The following ATXN7L1 variants were observed in gnomAD, a reference collection of about 807,000 sequenced individuals.
ATXN7L1 encodes ataxin 7 like 1.
A neutral mutation model predicts 70.8 loss-of-function variants in ATXN7L1; 15 were observed. The observed-to-expected ratio is 0.21, with a 90% CI of 0.14 to 0.33. The LOEUF (loss-of-function observed/expected upper bound fraction) is 0.33. Among genes scored for constraint, ATXN7L1 ranks in the 10% least tolerant of loss-of-function variants. The pLI is 1.00. For missense variants in ATXN7L1, 975 were observed against 1,097.1 expected, an observed-to-expected ratio of 0.89 and a Z score of 1.57; for synonymous variants, 440 against 445.1, an observed-to-expected ratio of 0.99 and a Z score of 0.14.
intron 3 of ATXN7L1, among the ~76,000 whole-genome samples, chr7:105,727,723 TA>T (rs201970123): frequency 0.041 from 4,909 of 120,392 alleles, 155 homozygotes; most frequent in Non-Finnish European, 0.055. Context: ...TATTTTTCCA[TA>T]GGGGTGTGTG....
At chr7:105,785,252 G>T (rs1223438197) in intron 3 of ATXN7L1, among the ~76,000 whole-genome samples, 1 of 152,222 alleles carries the variant, frequency 6.6e-6, no homozygotes, top group African/African-American at 2.4e-5. Context: ...GATCACCTGA[G>T]GTCAGGAGTT....
intron 9 of ATXN7L1, among the ~76,000 whole-genome samples, chr7:105,615,188 A>G (rs532911129): frequency 6.6e-6 from 1 of 151,406 alleles, no homozygotes; most frequent in Non-Finnish European, 1.5e-5. Flanking sequence ...TTTGGCAGCA[A>G]TGAAGGTGGT....
At chr7:105,664,861 T>C (rs1478414115) in intron 4 of ATXN7L1, among the ~76,000 whole-genome samples, 2 of 151,982 alleles carry the variant, frequency 1.3e-5, no homozygotes, top group East Asian at 1.9e-4. Context: ...GCGTGGCCCA[T>C]ATGGTACTCT....
At chr7:105,857,117 C>T (rs986608587) in intron 2 of ATXN7L1, among the ~76,000 whole-genome samples, 1 of 152,122 alleles carries the variant, frequency 6.6e-6, no homozygotes, top group Non-Finnish European at 1.5e-5. Context: ...TGTACAATGC[C>T]CTGAATGTCC....
intron 7 of ATXN7L1, among the ~76,000 whole-genome samples, chr7:105,629,307 T>C (rs893918921): frequency 9.2e-5 from 14 of 152,034 alleles, no homozygotes; most frequent in African/African-American, 3.4e-4. Context: ...GGCACTCTAC[T>C]CTCTCTGTGA....
At chr7:105,619,927 C>A (rs1427071372) in intron 9 of ATXN7L1, among the ~76,000 whole-genome samples, 1 of 152,022 alleles carries the variant, frequency 6.6e-6, no homozygotes, top group Non-Finnish European at 1.5e-5. Flanking sequence ...GGTAAACAGA[C>A]AATATATTAT....
At chr7:105,747,446 C>T (rs879746167) in intron 3 of ATXN7L1, among the ~76,000 whole-genome samples, 4 of 152,310 alleles carry the variant, frequency 2.6e-5, no homozygotes, top group South Asian at 2.1e-4. Context: ...TTCTTGTACT[C>T]GGGACCCTCC....
chr7:105,822,015 C>T (rs1230674957), intron 2 of ATXN7L1, among the ~76,000 whole-genome samples: 1 of 152,244 alleles, frequency 6.6e-6, no homozygotes, highest in South Asian at 2.1e-4. Flanking sequence ...GACTTGCCAC[C>T]AGGCAGCTCA....
intron 3 of ATXN7L1, among the ~76,000 whole-genome samples, chr7:105,695,762 G>C (rs1383280836): frequency 1.3e-5 from 2 of 152,178 alleles, no homozygotes; most frequent in African/African-American, 4.8e-5. Context: ...ACCAAATGTA[G>C]GTTTCCACTG....
intron 11 of ATXN7L1, 102 bp from the exon 12 acceptor site, chr7:105,607,992 G>T: frequency 9.3e-7 from 1 of 1,076,584 alleles, no homozygotes; most frequent in Non-Finnish European, 1.4e-6. Flanking sequence ...ATAATAGAAA[G>T]GACAATATCC....
At position 105,794,518 on chromosome 7, in the gene ATXN7L1, C is replaced by T. The variant is rs189299087; in HGVS notation, c.251-5810G>A. Reference sequence around the variant, plus strand: ...ACACCAGCACTTCGCTGACTAGTGTCCCCTTCTAGCATCACTGCTTCCTGG... The same window carrying T: ...ACACCAGCACTTCGCTGACTAGTGTTCCCTTCTAGCATCACTGCTTCCTGG... On this transcript the variant is annotated intron_variant, in intron 2 of 11. Transcript: ENST00000419735. 7.9e-5 allele frequency among the ~76,000 whole-genome samples: 12 copies of T among 152,352 alleles called. No homozygotes were observed. In the East Asian group the frequency reaches 2.3e-3, roughly 29 times the overall value.
chr7:105,628,380 ATAGAGT>A (rs1796054654), intron 7 of ATXN7L1, among the ~76,000 whole-genome samples: 1 of 152,184 alleles, frequency 6.6e-6, no homozygotes, highest in South Asian at 2.1e-4. Flanking sequence ...CAAGAAGAAA[ATAGAGT>A]TAGTAGTACA....
At chr7:105,768,868 A>G (rs1207284125) in intron 3 of ATXN7L1, among the ~76,000 whole-genome samples, 1 of 152,242 alleles carries the variant, frequency 6.6e-6, no homozygotes, top group Non-Finnish European at 1.5e-5. Flanking sequence ...TTGCATGTAA[A>G]TCTAGAATTA....
At chr7:105,787,398 G>T (rs1173898069) in intron 3 of ATXN7L1, among the ~76,000 whole-genome samples, 1 of 152,096 alleles carries the variant, frequency 6.6e-6, no homozygotes, top group Non-Finnish European at 1.5e-5. Context: ...CCTTGTGCTG[G>T]TTTGAAAGTC....
intron 4 of ATXN7L1, among the ~76,000 whole-genome samples, chr7:105,645,083 G>A (rs1184460761): frequency 2.6e-5 from 1 of 37,954 alleles, no homozygotes; most frequent in African/African-American, 1.7e-4. Flanking sequence ...TGGTTGCCAG[G>A]GGATGGGGAA....
intron 3 of ATXN7L1, chr7:105,761,231 G>C: frequency 6.7e-7 from 1 of 1,486,502 alleles, no homozygotes; most frequent in Non-Finnish European, 8.9e-7. Flanking sequence ...CCTGACACCA[G>C]AGTGTGCTCA....
intron 2 of ATXN7L1, chr7:105,819,574 T>C (rs1265211160): frequency 8.7e-7 from 1 of 1,149,960 alleles, no homozygotes; most frequent in Non-Finnish European, 1.3e-6. Flanking sequence ...AAGTAGGTAC[T>C]GCTGGGCCGG....
At chr7:105,712,724 C>A (rs1794081727) in intron 3 of ATXN7L1, among the ~76,000 whole-genome samples, 1 of 152,212 alleles carries the variant, frequency 6.6e-6, no homozygotes, top group African/African-American at 2.4e-5. Flanking sequence ...TTGTCAACAT[C>A]ACTATCAGCA....
At chr7:105,788,567 G>C (rs780712670) in intron 3 of ATXN7L1, 37 bp downstream of exon 3, 2 of 1,517,582 alleles carry the variant, frequency 1.3e-6, no homozygotes, top group African/African-American at 2.7e-5. Context: ...CAGGGCGGCA[G>C]CTGCAGATGT....
Sources: allele counts gnomAD v4.1 joint callset (sites outside exome capture counted in the v4.1 genomes callset), GRCh38; gene constraint gnomAD v4.1.1; transcripts MANE v1.5; gene names NCBI Gene and HGNC (gene_info 2026-07-23, HGNC 2026-07-21).